SLC14A1: variants seen among roughly 807,000 people sequenced by gnomAD.
SLC14A1 encodes solute carrier family 14 member 1 (Kidd blood group), also known as urea transporter 1.
A neutral mutation model predicts 39.6 loss-of-function variants in SLC14A1; 36 were observed. The observed-to-expected ratio is 0.91, with a 90% CI of 0.70 to 1.20. The LOEUF is 1.20. Ranked by LOEUF, SLC14A1 falls within the 50% of genes most tolerant of loss-of-function variation. SLC14A1 has a pLI of 0.00. For missense variants in SLC14A1, 469 were observed against 478.7 expected (o/e 0.98, Z 0.19); for synonymous variants, 164 against 173.6 (o/e 0.94, Z 0.43).
At chr18:45,727,036 C>A in intron 2 of SLC14A1, 2 of 485,328 alleles carry the variant, frequency 4.1e-6, no homozygotes, top group South Asian at 2.6e-5. Context: ...AAATGAACAT[C>A]AAATTTCCAT....
intron 5 of SLC14A1, 28 bp downstream of exon 5, chr18:45,734,430 C>G: frequency 6.6e-7 from 1 of 1,526,458 alleles, no homozygotes; most frequent in Non-Finnish European, 8.9e-7. Context: ...TTCAAAATGC[C>G]TTTTTGAAAA....
rs1272583497 is a variant in SLC14A1, at chr18:45,724,939, T to C, written c.-85-11T>C. 2 of 152,196 alleles carry C rather than the reference T, an allele frequency of 1.3e-5. No individual in the cohort carries two copies. Among genetic ancestry groups the C allele is most frequent in the African/African-American group, 4.8e-5 (2 of 41,450 alleles). The allele number at this position is 152,196 out of a possible 1,614,324, so 9.4% of individuals were successfully genotyped here. ...AATATCTGACAGCATTTTCTTTGTT[T>C]CCAATTACAGCTTTAAAGAAAACTG... On this transcript the variant is annotated splice_polypyrimidine_tract_variant and intron_variant, in intron 1 of 9. Transcript: ENST00000321925.
At chr18:45,749,530 T>A (rs879528295) in intron 9 of SLC14A1, among the ~76,000 whole-genome samples, 3 of 152,032 alleles carry the variant, frequency 2.0e-5, no homozygotes, top group Non-Finnish European at 2.9e-5. Flanking sequence ...AGTCTGAATA[T>A]ATGAGAGGGA....
At chr18:45,743,329 A>C (rs946430892) in intron 8 of SLC14A1, among the ~76,000 whole-genome samples, 2 of 151,976 alleles carry the variant, frequency 1.3e-5, no homozygotes, top group Admixed American at 6.6e-5. Context: ...ACATATTCTC[A>C]AGTTCTGAGG....
At chr18:45,731,718 G>T in intron 4 of SLC14A1, 1 of 205,616 alleles carries the variant, frequency 4.9e-6, no homozygotes, top group Non-Finnish European at 1.0e-5. Flanking sequence ...GCCTTAGTGA[G>T]TCTTCTGATA....
intron 8 of SLC14A1, among the ~76,000 whole-genome samples, chr18:45,740,225 C>T (rs539491950): frequency 7.2e-5 from 11 of 152,164 alleles, no homozygotes; most frequent in Non-Finnish European, 7.3e-5. Context: ...ACAAACTAAA[C>T]GGGAATAACT....
At chr18:45,745,030 G>T (rs2047504672) in intron 8 of SLC14A1, among the ~76,000 whole-genome samples, 1 of 152,196 alleles carries the variant, frequency 6.6e-6, no homozygotes, top group African/African-American at 2.4e-5. Flanking sequence ...GGATCACAAG[G>T]TCAAGAGATT....
At chr18:45,734,461 G>A (rs2047126203) in intron 5 of SLC14A1, 59 bp downstream of exon 5, 2 of 1,586,488 alleles carry the variant, frequency 1.3e-6, no homozygotes, top group Non-Finnish European at 1.7e-6. Flanking sequence ...GCAGAAGGAG[G>A]GAATGGGAGT....
chr18:45,735,271 T>C (rs941843162), intron 5 of SLC14A1, among the ~76,000 whole-genome samples: 1 of 152,208 alleles, frequency 6.6e-6, no homozygotes, highest in Non-Finnish European at 1.5e-5. Context: ...CCTGCAGGGT[T>C]TGTTACACCA....
chr18:45,730,842 T>C (rs1886550417), intron 3 of SLC14A1, among the ~76,000 whole-genome samples, 173 bp from the exon 4 acceptor site: 1 of 152,190 alleles, frequency 6.6e-6, no homozygotes. Flanking sequence ...AGATAGAGGC[T>C]TTCAGGGATC....
chr18:45,725,542 T>C (rs1199211674), intron 2 of SLC14A1, among the ~76,000 whole-genome samples: 1 of 152,214 alleles, frequency 6.6e-6, no homozygotes, highest in African/African-American at 2.4e-5. Flanking sequence ...CCAAGATTAG[T>C]TCAAAGTGAC....
Position 45,748,393 on chromosome 18 carries a change from C to T in SLC14A1, c.964C>T (p.Leu322Phe). 1.9e-6 allele frequency: 3 copies of T among 1,614,056 alleles called. No homozygotes were observed. The highest frequency in any genetic ancestry group is 1.7e-6 in the Non-Finnish European group (2 of 1,179,994). ...TTCTGTAGCCCTGTTCACGGCCTAT[C>T]TTGGAGTCGGCATGGCAAACTTTAT... is the stretch of plus-strand genomic sequence containing the variant. ...ALGCALFTAY[L>F]GVGMANFMAE... The change falls in exon 9 of 10, where the codon CTT becomes TTT. Residue 322 changes from leucine (L) to phenylalanine (F), a missense_variant. Transcript: ENST00000321925.
intron 6 of SLC14A1, among the ~76,000 whole-genome samples, chr18:45,738,530 C>T (rs2047262847): frequency 1.3e-5 from 2 of 152,222 alleles, no homozygotes; most frequent in Admixed American, 1.3e-4. Context: ...ACCTGCTTGA[C>T]AGTTGTTCAT....
intron 4 of SLC14A1, 106 bp downstream of exon 4, chr18:45,731,310 C>A (rs541182989): frequency 1.5e-5 from 16 of 1,076,232 alleles, no homozygotes; most frequent in African/African-American, 7.7e-5. Context: ...GGATAAACAA[C>A]ATTTAGTCCA....
At chr18:45,747,584 A>C (rs1333820576) in intron 8 of SLC14A1, among the ~76,000 whole-genome samples, 1 of 151,992 alleles carries the variant, frequency 6.6e-6, no homozygotes, top group East Asian at 1.9e-4. Flanking sequence ...AGTCCCAGCT[A>C]CTCGGGAGGC....
At chr18:45,731,386 A>T in intron 4 of SLC14A1, 182 bp downstream of exon 4, 1 of 669,390 alleles carries the variant, frequency 1.5e-6, no homozygotes, top group Non-Finnish European at 2.7e-6. Flanking sequence ...TGCTCTTGAT[A>T]TCTGAATAAA....
At chr18:45,734,105 A>G (rs1199338181) in intron 4 of SLC14A1, 169 bp from the exon 5 acceptor site, 5 of 794,298 alleles carry the variant, frequency 6.3e-6, no homozygotes, top group Non-Finnish European at 1.0e-5. Context: ...ATTTCACTTC[A>G]TGTCTTTATT....
rs189382930 is a variant in SLC14A1 at position 45,744,674 on chromosome 18, C to G, written c.947-3702C>G. Among the ~76,000 whole-genome samples the G allele has an allele frequency of 2.8e-3, 429 of 152,248 alleles. 15 individuals carry two copies. Among genetic ancestry groups the G allele is most frequent in the Admixed American group, 0.026 (390 of 15,294 alleles). On this transcript the variant is annotated intron_variant, in intron 8 of 9. Transcript: ENST00000321925. Reference sequence around the variant, plus strand: ...CTATGCTAGTAGGTACTCAAGTCCTCTCAACATGAGCCCTCATATCTTCCT... The same window carrying G: ...CTATGCTAGTAGGTACTCAAGTCCTGTCAACATGAGCCCTCATATCTTCCT...
chr18:45,727,168 C>A, intron 2 of SLC14A1: 1 of 1,266,196 alleles, frequency 7.9e-7, no homozygotes, highest in Non-Finnish European at 1.1e-6. Context: ...TGGGCGCGCT[C>A]CAGCCCCCCT....
Sources: gnomAD v4.1 joint callset for allele counts (sites outside exome capture counted in the v4.1 genomes callset) on GRCh38, gnomAD v4.1.1 for gene constraint, MANE v1.5 for transcripts, NCBI Gene and HGNC (gene_info 2026-07-23, HGNC 2026-07-21) for gene names.